Variants in PRIM2 observed in about 807,000 individuals in gnomAD.
PRIM2 encodes DNA primase large subunit.
A neutral mutation model predicts 67.3 loss-of-function variants in PRIM2; 39 were observed. The ratio of observed to expected loss-of-function variants is 0.58; its 90% CI spans 0.45 to 0.76. The LOEUF (loss-of-function observed/expected upper bound fraction) is 0.76. Ranked by LOEUF, PRIM2 falls within the 30% of genes least tolerant of loss-of-function variation. PRIM2 has a pLI of 0.00. For missense variants in PRIM2, 398 were observed against 598.7 expected (o/e 0.66, Z 3.50); for synonymous variants, 143 against 198.7 (o/e 0.72, Z 2.36).
intron 7 of PRIM2, among the ~76,000 whole-genome samples, chr6:57,457,111 T>C (rs1471223048): frequency 2.4e-4 from 36 of 149,736 alleles, no homozygotes; most frequent in South Asian, 1.5e-3. Flanking sequence ...CAGATATTGG[T>C]GAGCAGCAAA....
At chr6:57,558,983 G>T (rs1280266125) in intron 10 of PRIM2, among the ~76,000 whole-genome samples, 3 of 151,892 alleles carry the variant, frequency 2.0e-5, no homozygotes, top group African/African-American at 7.3e-5. Flanking sequence ...AAAAAAATTA[G>T]CTGGTGATAC....
At chr6:57,276,730 A>AGC in the PRIM2 span, among the ~76,000 whole-genome samples, 1 of 151,718 alleles carries the variant, frequency 6.6e-6, no homozygotes, top group Non-Finnish European at 1.5e-5. Flanking sequence ...CCATCTCTAA[A>AGC]AAAAGAAAAT....
Position 57,542,939 on chromosome 6 carries a change from ATTTTTT to A in PRIM2, c.1020+5328_1020+5333del, listed in dbSNP as rs1193756482. ...GTTGGCTTAAAATACTGCTTATAGG[ATTTTTT>A]TTTTTTTTTTTTTGAGACGGAGTCT... On this transcript the variant is annotated intron_variant, in intron 10 of 13. Transcript: ENST00000615550. Among the ~76,000 whole-genome samples, 4 of 71,904 alleles carry A rather than the reference ATTTTTT, an allele frequency of 5.6e-5. No homozygotes were observed. The East Asian group carries it at 1.1e-3, about 21-fold the overall frequency. The allele number at this position is 71,904 out of a possible 152,430, so 47.2% of individuals were successfully genotyped here.
intron 7 of PRIM2, among the ~76,000 whole-genome samples, chr6:57,388,561 C>T: frequency 6.6e-6 from 1 of 151,976 alleles, no homozygotes; most frequent in Non-Finnish European, 1.5e-5. Flanking sequence ...TATGGTAACC[C>T]TATAAGGCAG....
At chr6:57,237,101 G>T in the PRIM2 span, among the ~76,000 whole-genome samples, 2 of 151,432 alleles carry the variant, frequency 1.3e-5, no homozygotes, top group African/African-American at 4.8e-5. Flanking sequence ...TTTAATGATC[G>T]CCATTCTAAC....
the PRIM2 span, among the ~76,000 whole-genome samples, chr6:57,227,641 C>CAAAAAAAAAAAAAAAAAAAAAAAAAAAA: frequency 1.2e-5 from 1 of 84,080 alleles, no homozygotes; most frequent in Non-Finnish European, 2.3e-5. Context: ...GAGACCATCT[C>CAAAAAAAAAAAAAAAAAAAAAAAAAAAA]AAAAAAAAAA....
At chr6:57,344,519 G>T (rs1192365270) in intron 5 of PRIM2, among the ~76,000 whole-genome samples, 1 of 151,786 alleles carries the variant, frequency 6.6e-6, no homozygotes, top group African/African-American at 2.4e-5. Context: ...CTTTCAAAAT[G>T]ATTTAAATGA....
intron 7 of PRIM2, among the ~76,000 whole-genome samples, chr6:57,498,981 A>C (rs1178232738): frequency 2.0e-5 from 3 of 152,176 alleles, no homozygotes; most frequent in African/African-American, 7.2e-5. Flanking sequence ...AATCCTTTCA[A>C]ACAATTCTAC....
chr6:57,455,011 C>A (rs201845553), intron 7 of PRIM2, among the ~76,000 whole-genome samples: 10,598 of 151,926 alleles, frequency 0.07, 438 homozygotes, highest in Admixed American at 0.1. Flanking sequence ...GTTTCAAAGA[C>A]CATCTTTATT....
At chr6:57,349,557 T>A (rs1768795556) in intron 5 of PRIM2, among the ~76,000 whole-genome samples, 1 of 151,942 alleles carries the variant, frequency 6.6e-6, no homozygotes, top group Admixed American at 6.6e-5. Flanking sequence ...CAACATATTT[T>A]AAGTATTAAA....
chr6:57,355,795 T>C (rs7754488), intron 5 of PRIM2, among the ~76,000 whole-genome samples: 1 of 152,012 alleles, frequency 6.6e-6, no homozygotes, highest in African/African-American at 2.4e-5. Flanking sequence ...TGTCACCACG[T>C]GTGGCTAATT....
At chr6:57,355,733 C>T (rs1734716628) in intron 5 of PRIM2, among the ~76,000 whole-genome samples, 2 of 152,052 alleles carry the variant, frequency 1.3e-5, no homozygotes, top group African/African-American at 4.8e-5. Flanking sequence ...CCTCCCCAGG[C>T]TCAGGTGATC....
At chr6:57,533,073 G>A (rs1280200863) in intron 9 of PRIM2, among the ~76,000 whole-genome samples, 1 of 151,834 alleles carries the variant, frequency 6.6e-6, no homozygotes. Flanking sequence ...GTTCTTTAAA[G>A]GCCCCATCTC....
At chr6:57,412,536 T>G (rs1195934798) in intron 7 of PRIM2, among the ~76,000 whole-genome samples, 1 of 151,884 alleles carries the variant, frequency 6.6e-6, no homozygotes, top group Non-Finnish European at 1.5e-5. Context: ...TTATCTATAC[T>G]ACTTCAGTTT....
chr6:57,268,981 G>A, the PRIM2 span, among the ~76,000 whole-genome samples: 2 of 151,366 alleles, frequency 1.3e-5, no homozygotes, highest in African/African-American at 2.4e-5. Flanking sequence ...TTTTATGGCT[G>A]CATAGTATTC....
chr6:57,425,711 G>T (rs1455980366), intron 7 of PRIM2, among the ~76,000 whole-genome samples: 1 of 152,176 alleles, frequency 6.6e-6, no homozygotes, highest in Non-Finnish European at 1.5e-5. Flanking sequence ...AATGATGAGA[G>T]TCATTCTAGG....
At chr6:57,611,630 A>G (rs1410582441) in intron 12 of PRIM2, among the ~76,000 whole-genome samples, 4 of 152,188 alleles carry the variant, frequency 2.6e-5, no homozygotes, top group African/African-American at 9.6e-5. Context: ...AAGCTTATAT[A>G]AAAATTATTT....
intron 4 of PRIM2, 96 bp from the exon 5 acceptor site, chr6:57,325,829 T>C (rs1767831953): frequency 2.4e-6 from 3 of 1,274,032 alleles, no homozygotes; most frequent in Non-Finnish European, 3.2e-6. Context: ...TCCATTGGCA[T>C]CTTGCTGATG....
At chr6:57,272,522 C>T in the PRIM2 span, among the ~76,000 whole-genome samples, 3 of 152,164 alleles carry the variant, frequency 2.0e-5, no homozygotes, top group Non-Finnish European at 4.4e-5. Flanking sequence ...ATGTGTGTCT[C>T]TACACATGAG....
Sources: gnomAD v4.1 joint callset for allele counts (sites outside exome capture counted in the v4.1 genomes callset) on GRCh38, gnomAD v4.1.1 for gene constraint, MANE v1.5 for transcripts, NCBI Gene and HGNC (gene_info 2026-07-23, HGNC 2026-07-21) for gene names.